The following FREM1 variants were observed in gnomAD, a reference collection of about 807,000 sequenced individuals.
FREM1 encodes FRAS1 related extracellular matrix 1, also known as FRAS1-related extracellular matrix protein 1.
FREM1 carries 220 observed loss-of-function variants against 210.1 expected under a neutral mutation model. That is an observed-to-expected ratio of 1.05 (90% CI 0.94 to 1.17). The LOEUF (loss-of-function observed/expected upper bound fraction) is 1.17, where lower values mean the gene tolerates loss of function less well. Among genes scored for constraint, FREM1 ranks in the 50% most tolerant of loss-of-function variants. FREM1 has a pLI of 0.00. For synonymous variants in FREM1, 1,189 were observed against 980.2 expected, an observed-to-expected ratio of 1.21 and a Z score of -3.98; for missense variants, 3,454 against 2,675.5, an observed-to-expected ratio of 1.29 and a Z score of -6.42.
At chr9:14,756,236 G>C in intron 29 of FREM1, 138 bp downstream of exon 29, 1 of 639,570 alleles carries the variant, frequency 1.6e-6, no homozygotes, top group Non-Finnish European at 2.7e-6. Context: ...CTTTTAGAGT[G>C]AGGTGGTATG....
At chr9:14,856,703 G>A (rs908118414) in intron 5 of FREM1, among the ~76,000 whole-genome samples, 4 of 151,996 alleles carry the variant, frequency 2.6e-5, no homozygotes, top group Non-Finnish European at 5.9e-5. Flanking sequence ...CGTGGTGGCA[G>A]GCGCCTGTAG....
At chr9:14,756,867 C>G (rs1844477664) in intron 28 of FREM1, among the ~76,000 whole-genome samples, 2 of 152,152 alleles carry the variant, frequency 1.3e-5, no homozygotes, top group African/African-American at 4.8e-5. Flanking sequence ...CCCCTGACAA[C>G]CCATGTGATG....
chr9:14,829,066 C>T lies in FREM1; in HGVS notation c.1882-4074G>A, dbSNP rs563207739. ...TAAAATGTCTGGCACATAGTAGGTG[C>T]CCAATAAATACTACATTCGTCTCTG... On this transcript the variant is annotated intron_variant, in intron 10 of 36. Transcript: ENST00000380880. Among the ~76,000 whole-genome samples the T allele has an allele frequency of 2.0e-5, 3 of 152,250 alleles. No individual in the cohort carries two copies. In the South Asian group the frequency reaches 6.2e-4, roughly 32 times the overall value.
chr9:14,747,368 C>T lies in FREM1; in HGVS notation c.5905G>A (p.Ala1969Thr). Residue 1969 changes from alanine to threonine, a missense_variant, in exon 33 of 37, where the codon GCC becomes ACC. Coordinates refer to ENST00000380880, the MANE Select transcript of FREM1 (RefSeq NM_001379081.2). ...GGCTGACTAATGATGGATACTTTGG[C>T]CTTCCTTTTGTGAGTTGGGAAACTG... ...DDSFPTHKRK[A>T]KVSIISQPQK... 6.2e-7 allele frequency: 1 copy of T among 1,613,696 alleles called. No individual in the cohort carries two copies. Among genetic ancestry groups the T allele is most frequent in the African/African-American group, 1.3e-5 (1 of 75,008 alleles).
intron 25 of FREM1, among the ~76,000 whole-genome samples, chr9:14,772,131 CTCA>C (rs1847677211): frequency 6.6e-6 from 1 of 151,752 alleles, no homozygotes; most frequent in Non-Finnish European, 1.5e-5. Flanking sequence ...ATAATTATAA[CTCA>C]TGATGATAAA....
At chr9:14,858,363 T>C (rs564433606) in intron 4 of FREM1, among the ~76,000 whole-genome samples, 2 of 152,176 alleles carry the variant, frequency 1.3e-5, no homozygotes, top group African/African-American at 4.8e-5. Flanking sequence ...TAAGCCACTT[T>C]CAAATTAAAA....
intron 10 of FREM1, among the ~76,000 whole-genome samples, chr9:14,829,884 G>T (rs1823216473): frequency 6.6e-6 from 1 of 151,976 alleles, no homozygotes; most frequent in Admixed American, 6.6e-5. Context: ...AATATTAGAA[G>T]AAAAAGGGAG....
At chr9:14,822,221 T>C (rs934762647) in intron 13 of FREM1, among the ~76,000 whole-genome samples, 9 of 148,716 alleles carry the variant, frequency 6.1e-5, no homozygotes, top group African/African-American at 2.2e-4. Flanking sequence ...CTTTGTAAAT[T>C]ACCCAGTCTC....
chr9:14,870,714 T>A (rs1832495624), intron 1 of FREM1, among the ~76,000 whole-genome samples: 1 of 151,952 alleles, frequency 6.6e-6, no homozygotes, highest in Non-Finnish European at 1.5e-5. Context: ...GCAGGTTAGT[T>A]ACATATGTAG....
At chr9:14,775,428 A>G (rs1848371303) in intron 25 of FREM1, among the ~76,000 whole-genome samples, 2 of 152,134 alleles carry the variant, frequency 1.3e-5, no homozygotes, top group African/African-American at 4.8e-5. Context: ...GTTCTTGGCC[A>G]GGCGTGATAG....
At chr9:14,745,351 T>C (rs1484325935) in intron 35 of FREM1, among the ~76,000 whole-genome samples, 1 of 152,240 alleles carries the variant, frequency 6.6e-6, no homozygotes, top group Non-Finnish European at 1.5e-5. Context: ...TATTTCATTG[T>C]GGTTTTCATT....
At chr9:14,893,368 G>C (rs939917104) in intron 1 of FREM1, among the ~76,000 whole-genome samples, 2 of 152,172 alleles carry the variant, frequency 1.3e-5, no homozygotes, top group Admixed American at 6.5e-5. Context: ...TGCGGGCCTA[G>C]GACCCCATAA....
chr9:14,842,264 C>A, intron 9 of FREM1, 52 bp downstream of exon 9: 1 of 1,148,132 alleles, frequency 8.7e-7, no homozygotes, highest in Non-Finnish European at 1.2e-6. Context: ...ATAGAAGGTT[C>A]TCTATGGAAG....
At chr9:14,897,679 C>T (rs1201374041) in intron 1 of FREM1, among the ~76,000 whole-genome samples, 1 of 151,772 alleles carries the variant, frequency 6.6e-6, no homozygotes, top group African/African-American at 2.4e-5. Flanking sequence ...CCACCTCAAA[C>T]TCCTGGGCAC....
At chr9:14,791,835 T>C (rs1263717603) in intron 22 of FREM1, among the ~76,000 whole-genome samples, 5 of 147,658 alleles carry the variant, frequency 3.4e-5, no homozygotes, top group Non-Finnish European at 6.1e-5. Context: ...TTTTGTTTTG[T>C]TTTGTTTTGT....
At chr9:14,842,759 G>T (rs1229435661) in intron 8 of FREM1, 99 bp from the exon 9 acceptor site, 2 of 803,844 alleles carry the variant, frequency 2.5e-6, no homozygotes, top group East Asian at 5.0e-5. Context: ...TAAGGAAAGT[G>T]TGCAGCCCGT....
intron 1 of FREM1, among the ~76,000 whole-genome samples, chr9:14,878,535 G>C (rs979880839): frequency 1.3e-5 from 2 of 152,096 alleles, no homozygotes; most frequent in African/African-American, 4.8e-5. Flanking sequence ...TTTAACCTTA[G>C]TGCTTTCTAA....
chr9:14,738,537 C>G (rs1431160157), intron 36 of FREM1, among the ~76,000 whole-genome samples: 2 of 152,136 alleles, frequency 1.3e-5, no homozygotes, highest in Non-Finnish European at 1.5e-5. Context: ...TATCCTCCAG[C>G]TTGTCTCTTA....
In FREM1 at chr9:14,750,222, T is replaced by A. The variant is rs750236061; in HGVS notation, c.5462A>T (p.Asp1821Val). 4 of 1,613,248 alleles carry A rather than the reference T, an allele frequency of 2.5e-6. No homozygotes were observed. In the African/African-American group the frequency reaches 5.3e-5, roughly 22 times the overall value. Residue 1821 changes from aspartate to valine, a missense_variant, in exon 30 of 37, where the codon GAT (aspartate) becomes GTT (valine). Coordinates refer to ENST00000380880, the MANE Select transcript of FREM1 (RefSeq NM_001379081.2). ...CAGAATTACTTCAAAGACCTCATCATCTTCCTCTAATCCGTCATAGGTAAT... is the reference window on the plus strand; with the variant it reads ...CAGAATTACTTCAAAGACCTCATCAACTTCCTCTAATCCGTCATAGGTAAT... Reference protein sequence around the residue: ...IAITYDGLEEDDEVFEVILNS... With the variant: ...IAITYDGLEEVDEVFEVILNS...
Sources: allele counts gnomAD v4.1 joint callset (sites outside exome capture counted in the v4.1 genomes callset), GRCh38; gene constraint gnomAD v4.1.1; transcripts MANE v1.5; gene names NCBI Gene and HGNC (gene_info 2026-07-23, HGNC 2026-07-21).